Variants in SV2C observed in about 807,000 individuals in gnomAD.
SV2C encodes solute carrier family 22 member B3.
A neutral mutation model predicts 79.7 loss-of-function variants in SV2C; 49 were observed. The ratio of observed to expected loss-of-function variants is 0.61; its 90% CI spans 0.49 to 0.78. SV2C has a LOEUF of 0.78. SV2C is among the 30% of genes least tolerant of loss of function. The pLI is 0.00. For synonymous variants in SV2C, 334 were observed against 333.2 expected (o/e 1.00, Z -0.03); for missense variants, 833 against 912.9 (o/e 0.91, Z 1.13).
intron 4 of SV2C, among the ~76,000 whole-genome samples, chr5:76,270,093 G>A (rs1358215656): frequency 1.3e-5 from 2 of 152,214 alleles, no homozygotes; most frequent in African/African-American, 2.4e-5. Context: ...GCATTTGAAT[G>A]TCTCCTGCAG....
chr5:76,070,437 G>T, the SV2C span, among the ~76,000 whole-genome samples: 1 of 152,148 alleles, frequency 6.6e-6, no homozygotes, highest in Admixed American at 6.5e-5. Flanking sequence ...AATTTTCAGT[G>T]GCACTTCAGT....
At chr5:76,186,143 G>A (rs1031879400) in intron 2 of SV2C, among the ~76,000 whole-genome samples, 5 of 152,086 alleles carry the variant, frequency 3.3e-5, no homozygotes, top group East Asian at 1.9e-4. Flanking sequence ...CCTGGACTTC[G>A]TTGTCCATAT....
intron 4 of SV2C, among the ~76,000 whole-genome samples, chr5:76,262,383 A>G (rs1746499116): frequency 6.6e-6 from 1 of 151,922 alleles, no homozygotes; most frequent in Admixed American, 6.6e-5. Context: ...TTTTCAGAAA[A>G]CCAGCTCCTG....
At chr5:76,322,641 A>G (rs1748867656) in intron 12 of SV2C, among the ~76,000 whole-genome samples, 1 of 152,226 alleles carries the variant, frequency 6.6e-6, no homozygotes, top group South Asian at 2.1e-4. Context: ...AAACTATACT[A>G]CAAGGCTACA....
chr5:76,314,771 A>T (rs969320805), intron 12 of SV2C, among the ~76,000 whole-genome samples: 1 of 152,140 alleles, frequency 6.6e-6, no homozygotes, highest in African/African-American at 2.4e-5. Context: ...CAGCACAGAC[A>T]TATCTACCTC....
chr5:76,182,537 C>T (rs1743766441), intron 2 of SV2C, among the ~76,000 whole-genome samples: 1 of 152,012 alleles, frequency 6.6e-6, no homozygotes, highest in Non-Finnish European at 1.5e-5. Flanking sequence ...GTCTTTTTTC[C>T]AGGGTCAGTA....
At chr5:75,961,121 C>T in the SV2C span, among the ~76,000 whole-genome samples, 2 of 151,966 alleles carry the variant, frequency 1.3e-5, no homozygotes, top group Admixed American at 6.6e-5. Context: ...CTCTTTCCTT[C>T]TACCTTGCCA....
At chr5:75,910,308 C>T in the SV2C span, 2 of 529,698 alleles carry the variant, frequency 3.8e-6, no homozygotes, top group Admixed American at 2.0e-5. Flanking sequence ...ACACCCTGGT[C>T]AGCCAGTTGC....
chr5:76,056,496 G>T, the SV2C span, among the ~76,000 whole-genome samples: 1 of 152,130 alleles, frequency 6.6e-6, no homozygotes, highest in Non-Finnish European at 1.5e-5. Context: ...TCAGGATGAT[G>T]CTGGCCTCAT....
intron 1 of SV2C, among the ~76,000 whole-genome samples, chr5:76,091,188 T>C (rs1747364622): frequency 6.6e-6 from 1 of 152,234 alleles, no homozygotes; most frequent in Non-Finnish European, 1.5e-5. Context: ...ACAATTTAAG[T>C]GTAAAGTCTA....
At chr5:76,022,350 G>A in the SV2C span, among the ~76,000 whole-genome samples, 2 of 152,310 alleles carry the variant, frequency 1.3e-5, no homozygotes, top group Non-Finnish European at 2.9e-5. Context: ...TCTGACCCAT[G>A]CTGCTCCGTA....
chr5:76,213,662 G>T (rs946084029), intron 4 of SV2C, among the ~76,000 whole-genome samples: 1 of 152,090 alleles, frequency 6.6e-6, no homozygotes, highest in Admixed American at 6.5e-5. Flanking sequence ...CAACTTGAAG[G>T]TTTGATATAT....
At chr5:76,295,660 T>C (rs1329470541) in intron 8 of SV2C, 118 bp from the exon 9 acceptor site, 2 of 919,950 alleles carry the variant, frequency 2.2e-6, no homozygotes, top group Non-Finnish European at 3.2e-6. Context: ...TTACTCATAA[T>C]GTTATAGGGA....
At chr5:76,304,171 T>C (rs1158704810) in intron 12 of SV2C, among the ~76,000 whole-genome samples, 1 of 152,248 alleles carries the variant, frequency 6.6e-6, no homozygotes, top group Non-Finnish European at 1.5e-5. Flanking sequence ...ACGCTGTTGC[T>C]GGCAGACGCT....
At chr5:76,236,626 T>C (rs1195843134) in intron 4 of SV2C, among the ~76,000 whole-genome samples, 2 of 152,186 alleles carry the variant, frequency 1.3e-5, no homozygotes, top group East Asian at 3.9e-4. Flanking sequence ...CCAGGTTCTT[T>C]TTAACAACCA....
the SV2C span, among the ~76,000 whole-genome samples, chr5:75,991,636 A>G: frequency 3.3e-5 from 5 of 149,284 alleles, no homozygotes; most frequent in South Asian, 2.1e-4. Flanking sequence ...TCAGATATAT[A>G]TATAGATATA....
chr5:76,132,264 G>T lies in SV2C; in HGVS notation c.514G>T (p.Val172Phe). The T allele has an allele frequency of 1.9e-6, 3 of 1,613,990 alleles. No individual in the cohort carries two copies. The highest frequency in any genetic ancestry group is 2.5e-6 in the Non-Finnish European group (3 of 1,179,976). The change falls in exon 2 of 13, where the codon GTT (valine) becomes TTT (phenylalanine). Residue 172 changes from valine to phenylalanine, a missense_variant. Transcript: ENST00000502798. ...LMADGVEVFV[V>F]GFVLPSAETD... ...GGCAGACGGTGTAGAGGTGTTTGTC[G>T]TTGGCTTCGTGTTACCCAGTGCTGA...
At chr5:75,985,689 G>A in the SV2C span, among the ~76,000 whole-genome samples, 1 of 151,672 alleles carries the variant, frequency 6.6e-6, no homozygotes, top group Middle Eastern at 3.4e-3. Context: ...CAAAAGTAAT[G>A]TTAAAAAAAA....
rs60732488 is a variant in SV2C at position 76,302,630 on chromosome 5, CAAAAAAAAAAAAA to C, written c.2000+1097_2000+1109del. ...GGACAACAAGAGTGAGACTCCATCT[CAAAAAAAAAAAAA>C]AAAAAAAAAAATTGCTCCCAATATG... On this transcript the variant is annotated intron_variant, in intron 12 of 12. Coordinates refer to ENST00000502798, the MANE Select transcript of SV2C (RefSeq NM_014979.4). Among the ~76,000 whole-genome samples the C allele has an allele frequency of 6.2e-3, 429 of 68,874 alleles. 4 individuals carry two copies. The highest frequency in any genetic ancestry group is 0.042 in the Middle Eastern group (5 of 120). 45.2% of individuals were successfully genotyped at this position (68,874 alleles called of 152,430 possible).
Sources: allele counts gnomAD v4.1 joint callset (sites outside exome capture counted in the v4.1 genomes callset), GRCh38; gene constraint gnomAD v4.1.1; transcripts MANE v1.5; gene names NCBI Gene and HGNC (gene_info 2026-07-23, HGNC 2026-07-21).